Variants in TPRG1 observed in about 807,000 individuals in gnomAD.
TPRG1 encodes the protein tumor protein p63-regulated gene 1 protein.
A neutral mutation model predicts 29.3 loss-of-function variants in TPRG1; 29 were observed. That is an observed-to-expected ratio of 0.99 (90% CI 0.74 to 1.35). The LOEUF is 1.35. Among genes scored for constraint, TPRG1 ranks in the 40% most tolerant of loss-of-function variants. The pLI is 0.00. For missense variants in TPRG1, 327 were observed against 335.0 expected (o/e 0.98, Z 0.19); for synonymous variants, 130 against 116.8 (o/e 1.11, Z -0.73).
chr3:189,169,090 A>G (rs1728494165), upstream of TPRG1, among the ~76,000 whole-genome samples: 1 of 152,226 alleles, frequency 6.6e-6, no homozygotes, highest in Non-Finnish European at 1.5e-5. Context: ...CCTAACCTAA[A>G]TAAGTAACAA....
chr3:189,218,501 G>A (rs951446825), intron 3 of TPRG1, among the ~76,000 whole-genome samples: 1 of 152,166 alleles, frequency 6.6e-6, no homozygotes, highest in African/African-American at 2.4e-5. Flanking sequence ...GACACTCCTG[G>A]CTGCTTGTCT....
At chr3:189,088,752 A>G (rs1578325399) in intron 4 of TPRG1, among the ~76,000 whole-genome samples, 1 of 152,294 alleles carries the variant, frequency 6.6e-6, no homozygotes. Context: ...AAGACTTTGA[A>G]AATCGTCTCA....
At chr3:189,030,378 A>C (rs1047230736) in intron 4 of TPRG1, among the ~76,000 whole-genome samples, 6 of 152,238 alleles carry the variant, frequency 3.9e-5, no homozygotes, top group African/African-American at 1.4e-4. Flanking sequence ...TTTTCTGGCA[A>C]TACTATACTC....
chr3:189,219,003 A>G (rs1197500953), intron 3 of TPRG1, among the ~76,000 whole-genome samples: 2 of 152,248 alleles, frequency 1.3e-5, no homozygotes, highest in African/African-American at 2.4e-5. Flanking sequence ...TGAAGGGTTG[A>G]GAAAGTGCAA....
At chr3:189,254,533 T>C (rs1173295821) in intron 4 of TPRG1, among the ~76,000 whole-genome samples, 1 of 152,070 alleles carries the variant, frequency 6.6e-6, no homozygotes, top group East Asian at 1.9e-4. Flanking sequence ...TGAAACTTAA[T>C]GTATTTTTTC....
At chr3:189,311,966 A>G (rs1374253987) in intron 5 of TPRG1, among the ~76,000 whole-genome samples, 5 of 152,168 alleles carry the variant, frequency 3.3e-5, no homozygotes, top group East Asian at 1.9e-4. Flanking sequence ...TTCAAATGCA[A>G]TATCAGACTT....
At chr3:189,176,213 G>T (rs1729468884) in intron 1 of TPRG1, among the ~76,000 whole-genome samples, 1 of 152,194 alleles carries the variant, frequency 6.6e-6, no homozygotes, top group African/African-American at 2.4e-5. Flanking sequence ...TTGGCTTAGA[G>T]TTGTACTTAT....
rs560358836 is a variant in TPRG1 at position 189,145,674 on chromosome 3, CATT to C, written c.-290-1908_-290-1906del. On this transcript the variant is annotated intron_variant, in intron 3 of 6. Coordinates refer to the TPRG1 transcript ENST00000412373. ...ATTTTCAATAAATTAATAGCAATAA[CATT>C]AATAATAACAGCAAATTAATATCTA... 2.6e-3 allele frequency among the ~76,000 whole-genome samples: 397 copies of C among 152,252 alleles called. 1 individual carries two copies. The highest frequency in any genetic ancestry group is 8.9e-3 in the African/African-American group (369 of 41,556).
At chr3:189,205,295 A>T (rs1168201055) in intron 1 of TPRG1, among the ~76,000 whole-genome samples, 1 of 152,254 alleles carries the variant, frequency 6.6e-6, no homozygotes, top group East Asian at 1.9e-4. Context: ...AGCAAACTGC[A>T]TAAGGCTTTC....
chr3:189,320,476 G>T, intron 5 of TPRG1, 150 bp from the exon 6 acceptor site: 1 of 592,434 alleles, frequency 1.7e-6, no homozygotes. Flanking sequence ...TAACTTAATA[G>T]AGATAAATTT....
chr3:189,256,653 G>A (rs891821530), intron 4 of TPRG1, among the ~76,000 whole-genome samples: 4 of 152,104 alleles, frequency 2.6e-5, no homozygotes, highest in African/African-American at 9.7e-5. Context: ...TCTCTCTGTA[G>A]GTCTCTAAGA....
upstream of TPRG1, among the ~76,000 whole-genome samples, chr3:189,168,597 G>A (rs971862275): frequency 3.3e-5 from 5 of 152,170 alleles, no homozygotes; most frequent in East Asian, 9.6e-4. Context: ...GCATATTGGG[G>A]AAGAAAACTA....
At chr3:189,207,622 A>G (rs1295026895) in intron 2 of TPRG1, 28 bp downstream of exon 2, 2 of 1,605,322 alleles carry the variant, frequency 1.2e-6, no homozygotes, top group African/African-American at 1.3e-5. Context: ...CTTAAATACT[A>G]TATAAAAATT....
At chr3:189,089,463 G>T (rs1718194460) in intron 4 of TPRG1, among the ~76,000 whole-genome samples, 1 of 152,070 alleles carries the variant, frequency 6.6e-6, no homozygotes, top group Non-Finnish European at 1.5e-5. Context: ...TGGTATTTTA[G>T]TCTATTTTCC....
intron 3 of TPRG1, among the ~76,000 whole-genome samples, chr3:189,220,651 T>G (rs1435831684): frequency 1.3e-5 from 2 of 152,190 alleles, no homozygotes; most frequent in East Asian, 3.9e-4. Flanking sequence ...TGTGTTCTCA[T>G]CATTTAGCTC....
intron 3 of TPRG1, among the ~76,000 whole-genome samples, chr3:189,147,432 C>T (rs998203130): frequency 6.6e-6 from 1 of 152,140 alleles, no homozygotes; most frequent in Non-Finnish European, 1.5e-5. Context: ...CACCAGCAGA[C>T]GCAACACTTG....
exon 5 of TPRG1, chr3:189,150,677 C>A (rs549782640): frequency 1.3e-5 from 2 of 152,124 alleles, no homozygotes; most frequent in Non-Finnish European, 2.9e-5. Flanking sequence ...TTCATCTGGG[C>A]ACTGAAGACA....
intron 4 of TPRG1, among the ~76,000 whole-genome samples, chr3:189,074,698 A>G (rs938653285): frequency 6.6e-6 from 1 of 151,926 alleles, no homozygotes; most frequent in Non-Finnish European, 1.5e-5. Context: ...TTATTGTTAT[A>G]TCCATATATT....
intron 1 of TPRG1, among the ~76,000 whole-genome samples, chr3:189,112,919 A>T (rs1186830113): frequency 6.6e-6 from 1 of 152,186 alleles, no homozygotes; most frequent in Non-Finnish European, 1.5e-5. Flanking sequence ...GAAGAAAGTC[A>T]TTGGTAGCTT....
Sources: allele counts gnomAD v4.1 joint callset (sites outside exome capture counted in the v4.1 genomes callset), GRCh38; gene constraint gnomAD v4.1.1; transcripts MANE v1.5; gene names NCBI Gene and HGNC (gene_info 2026-07-23, HGNC 2026-07-21).